IQGAP3: variants seen among roughly 807,000 people sequenced by gnomAD.
IQGAP3 encodes IQ motif containing GTPase activating protein 3.
In IQGAP3, 165 loss-of-function variants were observed where a neutral mutation model predicts 208.2. The observed-to-expected ratio is 0.79, with a 90% confidence interval of 0.70 to 0.90. The LOEUF (loss-of-function observed/expected upper bound fraction) is 0.90, where lower values mean the gene tolerates loss of function less well. IQGAP3 is among the 40% of genes least tolerant of loss of function. The probability of loss-of-function intolerance (pLI) is 0.00; values close to 1 mark genes in which losing one functional copy is unlikely to be tolerated. For missense variants in IQGAP3, 1,811 were observed against 2,043.1 expected (o/e 0.89, Z 2.19); for synonymous variants, 703 against 803.6 (o/e 0.87, Z 2.12).
At chr1:156,565,321 A>G (rs1459141185) in intron 4 of IQGAP3, among the ~76,000 whole-genome samples, 1 of 152,206 alleles carries the variant, frequency 6.6e-6, no homozygotes, top group African/African-American at 2.4e-5. Flanking sequence ...ACAATAAAAG[A>G]CCAAATTTAG....
intron 34 of IQGAP3, 67 bp from the exon 35 acceptor site, chr1:156,529,149 C>T (rs1674258872): frequency 1.3e-6 from 2 of 1,538,978 alleles, no homozygotes; most frequent in Admixed American, 1.7e-5. Flanking sequence ...GGGCCTGACA[C>T]AGGCCCAAGA....
chr1:156,534,668 G>A lies in IQGAP3; in HGVS notation c.3573C>T (p.Asp1191=). The A allele has an allele frequency of 1.9e-6, 3 of 1,611,790 alleles. No individual in the cohort carries two copies. Among genetic ancestry groups the A allele is most frequent in the Non-Finnish European group, 1.7e-6 (2 of 1,179,542 alleles). The change falls in exon 29 of 38, where the codon GAC becomes GAT. Residue 1191 remains aspartate (D), a synonymous_variant. Coordinates refer to ENST00000361170, the MANE Select transcript of IQGAP3 (RefSeq NM_178229.5). ...CTCCACCAGCTGCCATGGCCACAAT[G>A]TCGAAGGCGTCAGGAGCCACCACAG... The part of the protein sequence containing the change: ...NPAVVAPDAF[D]IVAMAAGGAL...
rs1385318345 is a variant in IQGAP3 at position 156,534,636 on chromosome 1, G to C, written c.3605C>G (p.Ala1202Gly). ...CCCCAGGGCATGGCGCTGGGGGGCA[G>C]CCAGGGCTCCACCAGCTGCCATGGC... ...IVAMAAGGAL[A>G]APQRHALGAV... Residue 1202 changes from alanine to glycine, a missense_variant, in exon 29 of 38, where the codon GCT (alanine) becomes GGT (glycine). Ala to Gly is a moderately conservative substitution (Grantham distance 60). Coordinates refer to ENST00000361170, the MANE Select transcript of IQGAP3 (RefSeq NM_178229.5). 4 of 1,611,806 alleles carry C rather than the reference G, an allele frequency of 2.5e-6. No homozygotes were observed. In the Admixed American group the frequency reaches 6.7e-5, roughly 27 times the overall value.
At chr1:156,543,750 G>T (rs1168494232) in intron 22 of IQGAP3, among the ~76,000 whole-genome samples, 1 of 148,264 alleles carries the variant, frequency 6.7e-6, no homozygotes, top group African/African-American at 2.6e-5. Flanking sequence ...GATAATCTAA[G>T]CCTGTTCCAA....
Position 156,526,575 on chromosome 1 carries a change from C to A in IQGAP3, c.4807G>T (p.Gly1603Cys). The A allele has an allele frequency of 6.2e-7, 1 of 1,613,914 alleles. No individual in the cohort carries two copies. The highest frequency in any genetic ancestry group is 8.5e-7 in the Non-Finnish European group (1 of 1,179,822). Residue 1603 changes from glycine to cysteine, a missense_variant, in exon 38 of 38, where the codon GGT (glycine) becomes TGT (cysteine). Transcript: ENST00000361170. ...YQDLLQLQYE[G>C]VAVMKLFNKA... ...TTGAAGAGTTTCATGACAGCCACACCCTCATACTGGAGCTGCAGGAGATCC... is the reference window on the plus strand; with the variant it reads ...TTGAAGAGTTTCATGACAGCCACACACTCATACTGGAGCTGCAGGAGATCC...
At chr1:156,557,200 C>T (rs1225277279) in intron 11 of IQGAP3, among the ~76,000 whole-genome samples, 107 of 7,216 alleles carry the variant, frequency 0.015, 44 homozygotes, top group African/African-American at 0.015. Context: ...GCCGCCCCGT[C>T]CGGGAGGTGA....
At chr1:156,572,216 A>G (rs1676678058) in intron 1 of IQGAP3, among the ~76,000 whole-genome samples, 2 of 152,236 alleles carry the variant, frequency 1.3e-5, no homozygotes, top group Non-Finnish European at 2.9e-5. Context: ...AGGATCACCT[A>G]CATTCTCCCG....
Position 156,539,357 on chromosome 1 carries a change from G to T in IQGAP3, c.3056+17C>A. 6.2e-7 allele frequency: 1 copy of T among 1,611,168 alleles called. No homozygotes were observed. The highest frequency in any genetic ancestry group is 1.7e-5 in the Admixed American group (1 of 59,864). On this transcript the variant is annotated intron_variant, in intron 25 of 37. Transcript: ENST00000361170. ...TAACCCATTCTCTCCCCATTCCTTT[G>T]TGTCTGGAGAGCCTACTTGATTTCC...
At chr1:156,569,799 T>G (rs1462604634) in intron 1 of IQGAP3, among the ~76,000 whole-genome samples, 6 of 151,910 alleles carry the variant, frequency 3.9e-5, no homozygotes, top group Admixed American at 1.3e-4. Flanking sequence ...CATTACAGGC[T>G]TGAGCCGCCA....
chr1:156,546,554 C>T (rs576096488), intron 19 of IQGAP3, among the ~76,000 whole-genome samples: 17 of 152,224 alleles, frequency 1.1e-4, no homozygotes, highest in African/African-American at 4.1e-4. Context: ...GGGACCAATG[C>T]CCTGAAAACA....
chr1:156,557,318 C>T (rs1407596582), intron 11 of IQGAP3, among the ~76,000 whole-genome samples: 1 of 8,088 alleles, frequency 1.2e-4, no homozygotes, highest in African/African-American at 1.4e-4. Context: ...CCCGGCCAGC[C>T]GCCCAGTCCG....
At chr1:156,566,843 A>G (rs1466078747) in intron 2 of IQGAP3, among the ~76,000 whole-genome samples, 1 of 145,556 alleles carries the variant, frequency 6.9e-6, no homozygotes, top group African/African-American at 2.6e-5. Context: ...ATAGCTTCTC[A>G]CTCAGTCTAG....
intron 13 of IQGAP3, among the ~76,000 whole-genome samples, chr1:156,553,929 T>C (rs1369897409): frequency 6.6e-6 from 1 of 152,230 alleles, no homozygotes; most frequent in Non-Finnish European, 1.5e-5. Context: ...AGCATGTAAG[T>C]TTGACAAGAG....
Position 156,548,162 on chromosome 1 carries a change from C to T in IQGAP3, c.2215G>A (p.Ala739Thr). ...CGAACTAGGAAGCCACGGAGGCGGG[C>T]CTGGAGCTGGATAACAAAGCCGACG... The part of the protein sequence containing the change: ...ANVGFVIQLQ[A>T]RLRGFLVRQK... Residue 739 changes from alanine to threonine, a missense_variant, in exon 19 of 38, where the codon GCC (alanine) becomes ACC (threonine). Ala to Thr is a moderately conservative substitution (Grantham distance 58, BLOSUM62 0). Transcript: ENST00000361170. The T allele has an allele frequency of 1.9e-6, 3 of 1,614,054 alleles. No homozygotes were observed. The highest frequency in any genetic ancestry group is 1.1e-5 in the South Asian group (1 of 91,078).
In IQGAP3 at chr1:156,543,452, C is replaced by T. The variant is rs187712564; in HGVS notation, c.2530+529G>A. Among the ~76,000 whole-genome samples the T allele has an allele frequency of 3.3e-5, 5 of 152,178 alleles. No homozygotes were observed. In the East Asian group the frequency reaches 7.7e-4, roughly 23 times the overall value. The stretch of plus-strand genomic sequence containing the variant: ...AGAAATGGACTACTTGTCAATTTCA[C>T]AAAAAGGAAGGGGATGCCATTTGCT... On this transcript the variant is annotated intron_variant, in intron 22 of 37. Coordinates refer to ENST00000361170, the MANE Select transcript of IQGAP3 (RefSeq NM_178229.5).
At chr1:156,562,496 T>C in intron 9 of IQGAP3, 91 bp downstream of exon 9, 1 of 1,051,948 alleles carries the variant, frequency 9.5e-7, no homozygotes, top group South Asian at 1.3e-5. Flanking sequence ...CCATAGGGCT[T>C]TCTGGCTTGA....
intron 11 of IQGAP3, among the ~76,000 whole-genome samples, chr1:156,560,369 G>T (rs1285815944): frequency 1.3e-5 from 2 of 152,070 alleles, no homozygotes; most frequent in Non-Finnish European, 2.9e-5. Context: ...AAATTAGTCT[G>T]CCATGGTGGC....
rs761588168 is a variant in IQGAP3 at position 156,539,045 on chromosome 1, G to A, written c.3057-12C>T. On this transcript the variant is annotated splice_polypyrimidine_tract_variant and intron_variant, in intron 25 of 37. Transcript: ENST00000361170. ...GCTCCACCTTTGACCTGTGGTTTAA[G>A]AGGTCATTGAAACCAGTCTTCTGCC... 2 of 1,606,054 alleles carry A rather than the reference G, an allele frequency of 1.2e-6. No homozygotes were observed. Among genetic ancestry groups the A allele is most frequent in the South Asian group, 2.2e-5 (2 of 90,344 alleles).
intron 10 of IQGAP3, 84 bp from the exon 11 acceptor site, chr1:156,561,105 G>C: frequency 1.1e-6 from 1 of 917,968 alleles, no homozygotes; most frequent in East Asian, 2.4e-5. Flanking sequence ...GAGCTCCCAG[G>C]TCTACCCAGC....
Sources: gnomAD v4.1 joint callset for allele counts (sites outside exome capture counted in the v4.1 genomes callset) on GRCh38, gnomAD v4.1.1 for gene constraint, MANE v1.5 for transcripts, NCBI Gene and HGNC (gene_info 2026-07-23, HGNC 2026-07-21) for gene names.